The following SLC24A3 variants were observed in gnomAD, a reference collection of about 807,000 sequenced individuals.
SLC24A3 encodes the protein solute carrier family 24 member 3, also known as sodium/potassium/calcium exchanger 3.
Under a neutral mutation model 75.8 loss-of-function variants are expected in SLC24A3, and 28 were observed. The observed-to-expected ratio is 0.37, with a 90% confidence interval of 0.27 to 0.51. The LOEUF (loss-of-function observed/expected upper bound fraction) is 0.51. Among genes scored for constraint, SLC24A3 ranks in the 20% least tolerant of loss-of-function variants. The probability of loss-of-function intolerance (pLI) is 0.94; values close to 1 mark genes in which losing one functional copy is unlikely to be tolerated. For missense variants in SLC24A3, 663 were observed against 847.8 expected (o/e 0.78, Z 2.71); for synonymous variants, 372 against 334.1 (o/e 1.11, Z -1.24).
intron 15 of SLC24A3, among the ~76,000 whole-genome samples, chr20:19,713,561 G>A (rs1384617975): frequency 5.9e-5 from 9 of 152,094 alleles, no homozygotes; most frequent in Non-Finnish European, 4.4e-5. Flanking sequence ...TACGTTTTAA[G>A]CACGTGGTCT....
chr20:19,389,925 GTGT>G (rs1025892039), intron 2 of SLC24A3, among the ~76,000 whole-genome samples: 4 of 152,024 alleles, frequency 2.6e-5, no homozygotes, highest in African/African-American at 9.7e-5. Context: ...ATTTTTGGTG[GTGT>G]TGTTGTTGTT....
chr20:19,645,588 G>C (rs773684873), intron 6 of SLC24A3, among the ~76,000 whole-genome samples: 10 of 152,150 alleles, frequency 6.6e-5, no homozygotes, highest in Non-Finnish European at 1.3e-4. Context: ...GCACCGCTGA[G>C]CGGCTCCACA....
Position 19,346,063 on chromosome 20 carries a change from CTATATATATATATATATATA to C in SLC24A3, c.271+65002_271+65021del, listed in dbSNP as rs763603062. The stretch of plus-strand genomic sequence containing the variant: ...CCCATCAATCAATGAATAAAGAAAA[CTATATATATATATATATATA>C]TATATATATATATATATATATATAT... On this transcript the variant is annotated intron_variant, in intron 2 of 16. Transcript: ENST00000328041. 5.3e-3 allele frequency among the ~76,000 whole-genome samples: 112 copies of C among 21,260 alleles called. 6 individuals are homozygous for C. The East Asian group carries it at 0.092, about 17-fold the overall frequency. The allele number at this position is 21,260 out of a possible 152,430, so 13.9% of individuals were successfully genotyped here. A position where few individuals can be genotyped will look rare whatever the true frequency, so the allele number is the denominator to read the frequency against.
intron 7 of SLC24A3, among the ~76,000 whole-genome samples, chr20:19,657,392 C>T (rs572094251): frequency 6.6e-6 from 1 of 152,296 alleles, no homozygotes; most frequent in African/African-American, 2.4e-5. Context: ...TTCCCTCACC[C>T]ACAGGTGATT....
chr20:19,601,465 G>A (rs934537877), intron 6 of SLC24A3, among the ~76,000 whole-genome samples: 2 of 152,190 alleles, frequency 1.3e-5, no homozygotes, highest in African/African-American at 4.8e-5. Context: ...CACAACCTAT[G>A]TATCTGCGTC....
intron 2 of SLC24A3, among the ~76,000 whole-genome samples, chr20:19,384,345 C>G (rs911428059): frequency 6.6e-6 from 1 of 152,174 alleles, no homozygotes; most frequent in African/African-American, 2.4e-5. Context: ...CCTTTGCCTC[C>G]TAGCTCCTGG....
chr20:19,685,311 A>G lies in SLC24A3; in HGVS notation c.1274A>G (p.Glu425Gly). ...NEDNENDEEE[E>G]EDEDDDEGPY... is the part of the protein sequence containing the mutation. ...GACAATGAGAATGATGAGGAGGAAG[A>G]GGAGGACGAGGATGATGATGAAGGA... Residue 425 changes from glutamate to glycine, a missense_variant, in exon 12 of 17, where the codon GAG (glutamate) becomes GGG (glycine). Physicochemically the swap from Glu to Gly is moderately conservative, Grantham distance 98. Around this residue, in one of 2 missense-constraint regions of SLC24A3, gnomAD observed 510 missense variants for 703.6 expected, o/e 0.72. Coordinates refer to ENST00000328041, the MANE Select transcript of SLC24A3 (RefSeq NM_020689.4). 1 of 1,614,182 alleles carries G rather than the reference A, an allele frequency of 6.2e-7. No individual in the cohort carries two copies.
At chr20:19,611,482 A>G (rs761750294) in intron 6 of SLC24A3, among the ~76,000 whole-genome samples, 23 of 152,202 alleles carry the variant, frequency 1.5e-4, no homozygotes, top group South Asian at 8.3e-4. Context: ...ATTTTCATCC[A>G]TAAAGCCACT....
intron 3 of SLC24A3, among the ~76,000 whole-genome samples, chr20:19,518,843 T>G (rs923970117): frequency 5.3e-5 from 8 of 152,188 alleles, no homozygotes; most frequent in African/African-American, 1.9e-4. Flanking sequence ...AGAAAAAGGC[T>G]CAGGGCCATT....
In SLC24A3 at chr20:19,469,815, C is replaced by T. The variant is rs185735987; in HGVS notation, c.272-45673C>T. 2.4e-3 allele frequency among the ~76,000 whole-genome samples: 364 copies of T among 152,302 alleles called. 1 individual carries two copies. Among genetic ancestry groups the T allele is most frequent in the African/African-American group, 8.5e-3 (354 of 41,560 alleles). On this transcript the variant is annotated intron_variant, in intron 2 of 16. Coordinates refer to ENST00000328041, the MANE Select transcript of SLC24A3 (RefSeq NM_020689.4). ...GGAAAAACTAGCAAGCACACCATCA[C>T]TTTATGAATATTGGCAAAGGAAACG... is the stretch of plus-strand genomic sequence containing the variant.
chr20:19,659,314 C>A (rs1160489528), intron 7 of SLC24A3, among the ~76,000 whole-genome samples: 1 of 152,164 alleles, frequency 6.6e-6, no homozygotes, highest in Non-Finnish European at 1.5e-5. Flanking sequence ...GTCATGGCAC[C>A]GAGTGAATGG....
At chr20:19,511,358 C>A (rs185713800) in intron 2 of SLC24A3, among the ~76,000 whole-genome samples, 7 of 146,728 alleles carry the variant, frequency 4.8e-5, no homozygotes, top group African/African-American at 1.8e-4. Flanking sequence ...GATGGAGTCT[C>A]GCTCTGTCAC....
intron 2 of SLC24A3, among the ~76,000 whole-genome samples, chr20:19,497,670 C>A (rs897294868): frequency 6.6e-6 from 1 of 152,138 alleles, no homozygotes; most frequent in African/African-American, 2.4e-5. Context: ...AGGACACTTG[C>A]CTCAGAAGAT....
At chr20:19,457,121 C>T (rs1987591381) in intron 2 of SLC24A3, among the ~76,000 whole-genome samples, 1 of 152,158 alleles carries the variant, frequency 6.6e-6, no homozygotes, top group Non-Finnish European at 1.5e-5. Flanking sequence ...TAATGTAGTA[C>T]TTACTGACCT....
intron 6 of SLC24A3, among the ~76,000 whole-genome samples, chr20:19,614,626 G>A (rs1568673313): frequency 6.6e-6 from 1 of 152,224 alleles, no homozygotes; most frequent in East Asian, 1.9e-4. Context: ...AAGTGCCATT[G>A]CACAGCAGGT....
At chr20:19,574,618 G>T (rs2122625820) in intron 3 of SLC24A3, among the ~76,000 whole-genome samples, 1 of 152,318 alleles carries the variant, frequency 6.6e-6, no homozygotes, top group South Asian at 2.1e-4. Context: ...TTTTCCTCCA[G>T]CAGGCTAGCT....
chr20:19,381,438 A>G (rs1986180180), intron 2 of SLC24A3, among the ~76,000 whole-genome samples: 1 of 152,194 alleles, frequency 6.6e-6, no homozygotes, highest in Admixed American at 6.5e-5. Flanking sequence ...TTGAAGAGGC[A>G]CTGTGAGCCA....
chr20:19,232,213 T>C (rs1982041453), intron 1 of SLC24A3, among the ~76,000 whole-genome samples: 2 of 152,236 alleles, frequency 1.3e-5, no homozygotes, highest in Non-Finnish European at 2.9e-5. Context: ...TATGTGTAAA[T>C]ATTATTCATG....
At chr20:19,613,040 G>A (rs760288220) in intron 6 of SLC24A3, among the ~76,000 whole-genome samples, 3 of 152,136 alleles carry the variant, frequency 2.0e-5, no homozygotes, top group African/African-American at 7.2e-5. Flanking sequence ...GACTTCCAAT[G>A]TTCTCTTCCT....
Sources: gnomAD v4.1 joint callset for allele counts (sites outside exome capture counted in the v4.1 genomes callset) on GRCh38, gnomAD v4.1.1 for gene constraint, gnomAD v4.1.1 regional missense constraint, MANE v1.5 for transcripts, NCBI Gene and HGNC (gene_info 2026-07-23, HGNC 2026-07-21) for gene names.